Variants in CTSC observed in about 807,000 individuals in gnomAD.
CTSC encodes the protein dipeptidyl peptidase 1.
CTSC carries 37 observed loss-of-function variants against 40.9 expected under a neutral mutation model. The ratio of observed to expected loss-of-function variants is 0.91; its 90% CI spans 0.70 to 1.19. The LOEUF is 1.19. CTSC is among the 50% of genes most tolerant of loss of function. The pLI is 0.00. For missense variants in CTSC, 594 were observed against 567.3 expected (o/e 1.05, Z -0.48); for synonymous variants, 232 against 207.4 (o/e 1.12, Z -1.02).
At chr11:88,319,843 C>T (rs1937958261) in intron 2 of CTSC, among the ~76,000 whole-genome samples, 1 of 152,096 alleles carries the variant, frequency 6.6e-6, no homozygotes, top group Non-Finnish European at 1.5e-5. Context: ...GAGTACTTTG[C>T]ATGGAGTTGA....
rs974432516 is a variant in CTSC at position 88,325,527 on chromosome 11, G to C, written c.318+9410C>G. On this transcript the variant is annotated intron_variant, in intron 2 of 6. Transcript: ENST00000227266. ...CTATTTAGCCCCAAGGAAGTCTTTAGGCTTGAAAGACAAGTTCTAGCATTT... is the reference window on the plus strand; with the variant it reads ...CTATTTAGCCCCAAGGAAGTCTTTACGCTTGAAAGACAAGTTCTAGCATTT... 5.1e-6 allele frequency: 5 copies of C among 985,172 alleles called. No individual in the cohort carries two copies. The African/African-American group carries it at 8.7e-5, about 17-fold the overall frequency. 61.0% of individuals were successfully genotyped at this position (985,172 alleles called of 1,614,324 possible). A position where few individuals can be genotyped will look rare whatever the true frequency, so the allele number is the denominator to read the frequency against.
chr11:88,301,912 A>G (rs890689438), intron 4 of CTSC, among the ~76,000 whole-genome samples: 1 of 151,900 alleles, frequency 6.6e-6, no homozygotes, highest in Non-Finnish European at 1.5e-5. Flanking sequence ...TCTCTGTTCT[A>G]TATCTTTATG....
chr11:88,335,213 G>C, intron 1 of CTSC, 131 bp from the exon 2 acceptor site: 1 of 693,262 alleles, frequency 1.4e-6, no homozygotes. Flanking sequence ...AGTCTGCCTA[G>C]TGAAGAAACC....
chr11:88,314,647 C>T (rs1323892278), intron 2 of CTSC, among the ~76,000 whole-genome samples: 2 of 152,168 alleles, frequency 1.3e-5, no homozygotes, highest in African/African-American at 4.8e-5. Context: ...CCTGCCTCAG[C>T]CTCCCAAGTA....
chr11:88,307,790 A>G (rs944221164), intron 4 of CTSC, among the ~76,000 whole-genome samples: 2 of 152,134 alleles, frequency 1.3e-5, no homozygotes, highest in Non-Finnish European at 2.9e-5. Flanking sequence ...ATGGGTTTGG[A>G]TACCAGGCTA....
At chr11:88,307,363 T>G (rs952617433) in intron 4 of CTSC, among the ~76,000 whole-genome samples, 7 of 152,166 alleles carry the variant, frequency 4.6e-5, no homozygotes, top group African/African-American at 1.7e-4. Flanking sequence ...CTATATTAGA[T>G]AGATGTAGAT....
intron 2 of CTSC, among the ~76,000 whole-genome samples, chr11:88,314,199 A>C (rs1482868630): frequency 6.6e-6 from 1 of 152,202 alleles, no homozygotes. Context: ...ACAACTACTC[A>C]ACCTAAAAGG....
intron 5 of CTSC, chr11:88,296,709 CA>C (rs993828260): frequency 3.9e-6 from 1 of 253,642 alleles, no homozygotes; most frequent in African/African-American, 2.3e-5. Context: ...CCTCTAAAAT[CA>C]TGTTAAAACC....
chr11:88,330,933 T>G (rs911807739), intron 2 of CTSC, among the ~76,000 whole-genome samples: 4 of 152,226 alleles, frequency 2.6e-5, no homozygotes, highest in African/African-American at 7.2e-5. Flanking sequence ...CTATTCTGAT[T>G]GATTCCGAAG....
chr11:88,336,493 C>G (rs1938498191), intron 1 of CTSC, among the ~76,000 whole-genome samples: 1 of 150,532 alleles, frequency 6.6e-6, no homozygotes, highest in African/African-American at 2.5e-5. Flanking sequence ...GAGCCGAGAT[C>G]CCGCCACTGA....
intron 2 of CTSC, chr11:88,328,200 CAA>C (rs769804759): frequency 1.1e-5 from 18 of 1,603,724 alleles, no homozygotes; most frequent in African/African-American, 4.0e-5. Flanking sequence ...TGACATCCTA[CAA>C]AGAGTTTACA....
chr11:88,296,165 T>C lies in CTSC; in HGVS notation c.857A>G (p.Gln286Arg), dbSNP rs104894208. ...NNSQTPILSP[Q>R]EVVSCSQYAQ... ...ATACTGGCTACAAGACACAACCTCC[T>C]GAGGGCTTAGGATTGGGGTCTGAGA... Residue 286 changes from glutamine (Q) to arginine (R), a missense_variant, in exon 6 of 7, where the codon CAG becomes CGG. By Grantham distance (43) the Gln-to-Arg change is conservative. Transcript: ENST00000227266. 2.5e-6 allele frequency: 4 copies of C among 1,614,014 alleles called. No individual in the cohort carries two copies. The highest frequency in any genetic ancestry group is 1.7e-5 in the Admixed American group (1 of 60,010).
intron 4 of CTSC, among the ~76,000 whole-genome samples, chr11:88,305,792 C>G (rs1056811589): frequency 7.1e-4 from 108 of 152,294 alleles, no homozygotes; most frequent in African/African-American, 2.5e-3. Flanking sequence ...ATAAACCCAG[C>G]CCTTGTCTAA....
Position 88,300,571 on chromosome 11 carries a change from T to A in CTSC, c.716A>T (p.Asn239Ile). ...ACTGACAAAATTGATACCATGAACA[T>A]TTCTCCAGTCCCAAGATGTTGGCAA... ...LHLPTSWDWR[N>I]VHGINFVSPV... Residue 239 changes from asparagine to isoleucine, a missense_variant, in exon 5 of 7, where the codon AAT becomes ATT. Transcript: ENST00000227266. The A allele has an allele frequency of 1.2e-6, 2 of 1,613,828 alleles. No homozygotes were observed. Among genetic ancestry groups the A allele is most frequent in the Middle Eastern group, 1.6e-4 (1 of 6,062 alleles).
At chr11:88,320,175 A>C (rs1468494114) in intron 2 of CTSC, among the ~76,000 whole-genome samples, 1 of 152,238 alleles carries the variant, frequency 6.6e-6, no homozygotes, top group South Asian at 2.1e-4. Context: ...GCCAGGAAAT[A>C]GTTACAGTGG....
At chr11:88,325,477 C>T (rs1353175404) in intron 2 of CTSC, 3 of 985,244 alleles carry the variant, frequency 3.0e-6, no homozygotes, top group Non-Finnish European at 3.6e-6. Flanking sequence ...ATACCATTTA[C>T]TTATTTGTGA....
At chr11:88,322,494 A>C (rs1206070908) in intron 2 of CTSC, 2 of 152,210 alleles carry the variant, frequency 1.3e-5, no homozygotes, top group Admixed American at 1.3e-4. Flanking sequence ...GATTAATTGA[A>C]TAGAGAGTCC....
intron 2 of CTSC, among the ~76,000 whole-genome samples, chr11:88,316,292 A>G (rs1488385578): frequency 1.3e-5 from 2 of 152,074 alleles, no homozygotes; most frequent in Admixed American, 6.5e-5. Context: ...TCCTCTCTGT[A>G]CTTTCAGTTT....
rs754294565 is a variant in CTSC, at chr11:88,331,974, A to C, written c.318+2963T>G. On this transcript the variant is annotated intron_variant, in intron 2 of 6. Transcript: ENST00000227266. ...ATGTCATAACATACAAATACTCTGCATGTACCAACTACTCAACAAACTCGA... is the reference window on the plus strand; with the variant it reads ...ATGTCATAACATACAAATACTCTGCCTGTACCAACTACTCAACAAACTCGA... Among the ~76,000 whole-genome samples, 6 of 152,346 alleles carry C rather than the reference A, an allele frequency of 3.9e-5. No individual in the cohort carries two copies. In the South Asian group the frequency reaches 1.2e-3, roughly 32 times the overall value.
Sources: allele counts gnomAD v4.1 joint callset (sites outside exome capture counted in the v4.1 genomes callset), GRCh38; gene constraint gnomAD v4.1.1; transcripts MANE v1.5; gene names NCBI Gene and HGNC (gene_info 2026-07-23, HGNC 2026-07-21).